NCAM1: variants seen among roughly 807,000 people sequenced by gnomAD.
NCAM1 encodes the protein antigen recognized by monoclonal antibody 5.1H11.
NCAM1 carries 14 observed loss-of-function variants against 109.8 expected under a neutral mutation model. The observed-to-expected ratio is 0.13, with a 90% CI of 0.08 to 0.20. The LOEUF (loss-of-function observed/expected upper bound fraction) is 0.20. Ranked by LOEUF, NCAM1 falls within the 10% of genes least tolerant of loss-of-function variation. The probability of loss-of-function intolerance (pLI) is 1.00; values close to 1 mark genes in which losing one functional copy is unlikely to be tolerated. For missense variants in NCAM1, 774 were observed against 1,109.9 expected, an observed-to-expected ratio of 0.70 and a Z score of 4.30; for synonymous variants, 418 against 442.9, an observed-to-expected ratio of 0.94 and a Z score of 0.70.
In NCAM1 at chr11:112,997,300, G is replaced by C. The variant is rs532468808; in HGVS notation, c.52+35636G>C. Reference sequence around the variant, plus strand: ...CCACCAAAGTCAAACATAAAAACTAGTGATAATTAAAATGAAGGAGCATAA... The same window carrying C: ...CCACCAAAGTCAAACATAAAAACTACTGATAATTAAAATGAAGGAGCATAA... On this transcript the variant is annotated intron_variant, in intron 1 of 19. Transcript: ENST00000316851. 3.9e-5 allele frequency among the ~76,000 whole-genome samples: 6 copies of C among 152,234 alleles called. No individual in the cohort carries two copies. In the East Asian group the frequency reaches 1.2e-3, roughly 29 times the overall value.
rs538524945 is a variant in NCAM1 at position 113,277,740 on chromosome 11, C to A, written c.*2353C>A. ...TCACCTGGCCCGGGACAGCTGACCC[C>A]CTAGAACCCTGGCTCTGCCATTAGC... is the stretch of plus-strand genomic sequence containing the variant. On this transcript the variant is annotated 3_prime_UTR_variant, in exon 20 of 20. Coordinates refer to ENST00000316851, the MANE Select transcript of NCAM1 (RefSeq NM_181351.5). 1.1e-3 allele frequency: 301 copies of A among 271,570 alleles called. 1 individual carries two copies. Among genetic ancestry groups the A allele is most frequent in the Admixed American group, 2.3e-3 (44 of 18,772 alleles). 16.8% of individuals were successfully genotyped at this position (271,570 alleles called of 1,614,324 possible). A position where few individuals can be genotyped will look rare whatever the true frequency, so the allele number is the denominator to read the frequency against.
intron 1 of NCAM1, among the ~76,000 whole-genome samples, chr11:112,986,432 G>A (rs1375835277): frequency 2.6e-5 from 4 of 152,000 alleles, no homozygotes; most frequent in African/African-American, 9.7e-5. Flanking sequence ...AGTAAAATGA[G>A]TTTGGAAGTG....
At chr11:112,964,150 T>TG (rs1191621354) in intron 1 of NCAM1, among the ~76,000 whole-genome samples, 51 of 3,338 alleles carry the variant, frequency 0.015, 1 homozygote, top group African/African-American at 0.073. Flanking sequence ...GTTTTTTTTT[T>TG]TTTTGTTTTT....
At chr11:113,239,501 T>TC (rs1185621473) in intron 14 of NCAM1, among the ~76,000 whole-genome samples, 3 of 47,770 alleles carry the variant, frequency 6.3e-5, no homozygotes, top group Non-Finnish European at 1.6e-4. Flanking sequence ...AGTCTCTACT[T>TC]TTTTTTTTTT....
chr11:113,230,273 C>G (rs140893127), intron 9 of NCAM1, among the ~76,000 whole-genome samples: 1 of 152,252 alleles, frequency 6.6e-6, no homozygotes, highest in African/African-American at 2.4e-5. Context: ...ACCAGCATCC[C>G]AGATTTATAG....
chr11:113,115,774 A>G lies in NCAM1; in HGVS notation c.53-86605A>G, dbSNP rs541173857. On this transcript the variant is annotated intron_variant, in intron 1 of 19. Transcript: ENST00000316851. ...GAGAAACAGTTTTTGTTGAAAACAG[A>G]TAACAGTTACGAGAATCTGGCCAAG... 3.9e-5 allele frequency among the ~76,000 whole-genome samples: 6 copies of G among 152,346 alleles called. No individual in the cohort carries two copies. In the South Asian group the frequency reaches 8.3e-4, roughly 21 times the overall value.
intron 1 of NCAM1, among the ~76,000 whole-genome samples, chr11:113,132,702 C>T (rs111355674): frequency 9.9e-5 from 15 of 151,008 alleles, no homozygotes; most frequent in African/African-American, 2.2e-4. Context: ...GTTTAGGAAC[C>T]GCTGGGGAAC....
At chr11:113,229,610 T>G (rs1263996866) in intron 9 of NCAM1, among the ~76,000 whole-genome samples, 2 of 152,200 alleles carry the variant, frequency 1.3e-5, no homozygotes, top group Non-Finnish European at 2.9e-5. Flanking sequence ...TACAAATCAT[T>G]CTGCTATAAA....
At chr11:113,012,165 C>T (rs573204947) in intron 1 of NCAM1, among the ~76,000 whole-genome samples, 6 of 152,084 alleles carry the variant, frequency 3.9e-5, no homozygotes, top group South Asian at 2.1e-4. Context: ...ACTATAAGCG[C>T]GCACCTTCAT....
intron 1 of NCAM1, among the ~76,000 whole-genome samples, chr11:113,070,397 T>C (rs781869031): frequency 1.3e-5 from 2 of 152,072 alleles, no homozygotes; most frequent in Admixed American, 1.3e-4. Flanking sequence ...TCCAAGAAGT[T>C]TGCCTAGAAG....
At chr11:113,189,449 C>CAAAGAAAAAAAAA (rs1943609744) in intron 1 of NCAM1, among the ~76,000 whole-genome samples, 1 of 118,044 alleles carries the variant, frequency 8.5e-6, no homozygotes. Context: ...GATTCTGTCT[C>CAAAGAAAAAAAAA]AAAAAAAAAA....
At chr11:113,258,653 T>A (rs1295488471) in intron 16 of NCAM1, among the ~76,000 whole-genome samples, 1 of 152,214 alleles carries the variant, frequency 6.6e-6, no homozygotes, top group Non-Finnish European at 1.5e-5. Flanking sequence ...ATAACTCAAA[T>A]GTTTCTAGCC....
intron 1 of NCAM1, among the ~76,000 whole-genome samples, chr11:113,166,695 G>A (rs1214664568): frequency 1.3e-5 from 2 of 152,020 alleles, no homozygotes; most frequent in African/African-American, 4.8e-5. Flanking sequence ...CTCAGTTCAC[G>A]ACAGGTAACT....
intron 1 of NCAM1, among the ~76,000 whole-genome samples, chr11:113,149,073 A>G (rs1942126539): frequency 6.6e-6 from 1 of 152,188 alleles, no homozygotes; most frequent in Non-Finnish European, 1.5e-5. Flanking sequence ...GGGACTTCCA[A>G]AGGGAACAAA....
At chr11:113,093,680 C>T (rs1277609399) in intron 1 of NCAM1, among the ~76,000 whole-genome samples, 1 of 152,220 alleles carries the variant, frequency 6.6e-6, no homozygotes, top group Non-Finnish European at 1.5e-5. Context: ...GAGGCATGCT[C>T]AGTATCTACC....
intron 1 of NCAM1, among the ~76,000 whole-genome samples, chr11:112,991,351 C>T (rs1409260940): frequency 6.6e-6 from 1 of 152,154 alleles, no homozygotes; most frequent in Non-Finnish European, 1.5e-5. Context: ...TTGAAAAAGC[C>T]TCAGTAACTT....
chr11:113,009,662 A>G (rs1555074023), intron 1 of NCAM1, among the ~76,000 whole-genome samples: 1 of 152,108 alleles, frequency 6.6e-6, no homozygotes, highest in Non-Finnish European at 1.5e-5. Flanking sequence ...ACTCATCTCT[A>G]AACTCCACTC....
chr11:113,212,583 G>A (rs1944417891), intron 7 of NCAM1, among the ~76,000 whole-genome samples: 1 of 152,002 alleles, frequency 6.6e-6, no homozygotes, highest in Non-Finnish European at 1.5e-5. Context: ...AGCCTTCCTG[G>A]GATTGTCTCC....
chr11:113,132,629 TGTGTGTGTGTGTGTGTG>T, intron 1 of NCAM1, among the ~76,000 whole-genome samples: 1 of 150,952 alleles, frequency 6.6e-6, no homozygotes, highest in Non-Finnish European at 1.5e-5. Context: ...TGTGTGTGTG[TGTGTGTGTGTGTGTGTG>T]TGTGTCAGAG....
Sources: allele counts gnomAD v4.1 joint callset (sites outside exome capture counted in the v4.1 genomes callset), GRCh38; gene constraint gnomAD v4.1.1; transcripts MANE v1.5; gene names NCBI Gene and HGNC (gene_info 2026-07-23, HGNC 2026-07-21).